Variants in NCKAP5 observed in about 807,000 individuals in gnomAD.
The protein encoded by NCKAP5 is NCK associated protein 5, also known as nck-associated protein 5.
NCKAP5 carries 92 observed loss-of-function variants against 167.0 expected under a neutral mutation model. The ratio of observed to expected loss-of-function variants is 0.55; its 90% CI spans 0.47 to 0.66. The LOEUF (loss-of-function observed/expected upper bound fraction) is 0.66, where lower values mean the gene tolerates loss of function less well. NCKAP5 is among the 30% of genes least tolerant of loss of function. NCKAP5 has a pLI of 0.00. For missense variants in NCKAP5, 2,378 were observed against 2,315.0 expected (o/e 1.03, Z -0.56); for synonymous variants, 891 against 877.4 (o/e 1.02, Z -0.27).
intron 4 of NCKAP5, among the ~76,000 whole-genome samples, chr2:133,268,695 C>A (rs2150402316): frequency 6.6e-6 from 1 of 152,236 alleles, no homozygotes; most frequent in Middle Eastern, 3.4e-3. Flanking sequence ...TGGTCTCGAT[C>A]TCCTGACCTC....
intron 7 of NCKAP5, among the ~76,000 whole-genome samples, chr2:132,984,065 A>C (rs2077216966): frequency 6.6e-6 from 1 of 152,160 alleles, no homozygotes; most frequent in Non-Finnish European, 1.5e-5. Context: ...GAGACCAGCC[A>C]GAGCAACATA....
chr2:133,147,045 A>G (rs985668280), intron 5 of NCKAP5, among the ~76,000 whole-genome samples: 1 of 152,170 alleles, frequency 6.6e-6, no homozygotes, highest in Non-Finnish European at 1.5e-5. Flanking sequence ...ACAGACTCCA[A>G]AGTTTTTCAC....
chr2:133,567,027 G>T (rs187998997), intron 1 of NCKAP5, among the ~76,000 whole-genome samples: 175 of 152,338 alleles, frequency 1.1e-3, no homozygotes, highest in Non-Finnish European at 1.7e-3. Flanking sequence ...GGTAGTGAAG[G>T]CTGTCACCAT....
chr2:133,247,942 G>C (rs16822568), intron 4 of NCKAP5, among the ~76,000 whole-genome samples: 1 of 152,108 alleles, frequency 6.6e-6, no homozygotes, highest in African/African-American at 2.4e-5. Flanking sequence ...TCCTATGAGG[G>C]GATTAGCAGT....
At chr2:132,944,408 T>C (rs1345191297) in intron 8 of NCKAP5, among the ~76,000 whole-genome samples, 1 of 152,232 alleles carries the variant, frequency 6.6e-6, no homozygotes, top group Non-Finnish European at 1.5e-5. Flanking sequence ...TGTGCCAATT[T>C]CTGTGTTAAG....
chr2:133,589,370 C>A, the NCKAP5 span, among the ~76,000 whole-genome samples: 14 of 152,044 alleles, frequency 9.2e-5, no homozygotes, highest in East Asian at 1.9e-4. Flanking sequence ...ATCATCTTTC[C>A]TGGAAGGGGG....
intron 3 of NCKAP5, among the ~76,000 whole-genome samples, chr2:133,410,615 G>A (rs982683688): frequency 7.2e-5 from 11 of 152,106 alleles, no homozygotes; most frequent in Admixed American, 5.9e-4. Context: ...TCTCAGAGTG[G>A]TCTCCAGAGC....
chr2:133,422,368 T>G (rs923782723), intron 3 of NCKAP5, among the ~76,000 whole-genome samples: 20 of 152,190 alleles, frequency 1.3e-4, no homozygotes, highest in Admixed American at 2.6e-4. Flanking sequence ...TGTTGTTGTT[T>G]TTTTGTTTTT....
the NCKAP5 span, among the ~76,000 whole-genome samples, chr2:133,631,472 A>G: frequency 6.6e-6 from 1 of 152,200 alleles, no homozygotes; most frequent in African/African-American, 2.4e-5. Context: ...TTCTTTAGAG[A>G]ATGTTTCTTC....
chr2:133,135,328 G>C (rs2082751066), intron 5 of NCKAP5, among the ~76,000 whole-genome samples: 1 of 152,158 alleles, frequency 6.6e-6, no homozygotes, highest in South Asian at 2.1e-4. Context: ...TTGTCGTGTA[G>C]GGAGGGAGGA....
At chr2:133,539,936 T>A (rs1686083001) in intron 2 of NCKAP5, among the ~76,000 whole-genome samples, 1 of 152,168 alleles carries the variant, frequency 6.6e-6, no homozygotes, top group South Asian at 2.1e-4. Context: ...ATCCCAGCAC[T>A]TTGGAAGGCC....
At chr2:133,672,153 A>G in the NCKAP5 span, among the ~76,000 whole-genome samples, 1 of 152,354 alleles carries the variant, frequency 6.6e-6, no homozygotes, top group Non-Finnish European at 1.5e-5. Context: ...AAAGGAAAGG[A>G]GGAGCTAAGA....
In NCKAP5 at chr2:133,168,496, T is replaced by C. The variant is rs768050483; in HGVS notation, c.208-38385A>G. The stretch of plus-strand genomic sequence containing the variant: ...TTATTTGGTAAATGGAAGAGATCTA[T>C]TACAGTGTGGAGTCATTAAAACAGT... On this transcript the variant is annotated intron_variant, in intron 5 of 19. Coordinates refer to ENST00000409261, the MANE Select transcript of NCKAP5 (RefSeq NM_207363.3). 2.7e-4 allele frequency among the ~76,000 whole-genome samples: 41 copies of C among 152,094 alleles called. 1 individual carries two copies. Among genetic ancestry groups the C allele is most frequent in the Non-Finnish European group, 4.9e-4 (33 of 68,012 alleles).
chr2:133,550,951 A>G (rs1417458349), intron 2 of NCKAP5, among the ~76,000 whole-genome samples: 1 of 151,986 alleles, frequency 6.6e-6, no homozygotes, highest in Non-Finnish European at 1.5e-5. Flanking sequence ...TTATACACCA[A>G]CAACAGACAA....
chr2:133,315,132 A>G (rs1452392826), intron 3 of NCKAP5, among the ~76,000 whole-genome samples: 5 of 152,148 alleles, frequency 3.3e-5, no homozygotes, highest in Non-Finnish European at 7.4e-5. Flanking sequence ...GTCAAATGGT[A>G]TCACTTAAGT....
intron 2 of NCKAP5, among the ~76,000 whole-genome samples, chr2:133,546,025 C>A (rs1266164415): frequency 6.6e-6 from 1 of 152,144 alleles, no homozygotes; most frequent in East Asian, 1.9e-4. Context: ...TTTTGTCTAA[C>A]TGAAAGGGCA....
intron 16 of NCKAP5, among the ~76,000 whole-genome samples, chr2:132,739,245 A>G (rs1469735407): frequency 2.0e-5 from 3 of 152,134 alleles, no homozygotes; most frequent in East Asian, 3.9e-4. Context: ...TACGGATCCA[A>G]TTTCACATAT....
intron 8 of NCKAP5, among the ~76,000 whole-genome samples, chr2:132,934,064 A>G (rs373882173): frequency 6.6e-6 from 1 of 152,218 alleles, no homozygotes; most frequent in Non-Finnish European, 1.5e-5. Flanking sequence ...CAAATACAGC[A>G]TACTGAGATT....
intron 8 of NCKAP5, among the ~76,000 whole-genome samples, chr2:132,961,503 A>G (rs1009798442): frequency 2.6e-5 from 4 of 152,078 alleles, no homozygotes; most frequent in Admixed American, 1.3e-4. Context: ...TGACACTATG[A>G]CTATAGGAAA....
Sources: allele counts gnomAD v4.1 joint callset (sites outside exome capture counted in the v4.1 genomes callset), GRCh38; gene constraint gnomAD v4.1.1; transcripts MANE v1.5; gene names NCBI Gene and HGNC (gene_info 2026-07-23, HGNC 2026-07-21).